The following RBFOX1 variants were observed in gnomAD, a reference collection of about 807,000 sequenced individuals.
RBFOX1 encodes RNA binding fox-1 homolog 1.
RBFOX1 carries 8 observed loss-of-function variants against 57.7 expected under a neutral mutation model. That is an observed-to-expected ratio of 0.14 (90% CI 0.08 to 0.25). The LOEUF is 0.25. Among genes scored for constraint, RBFOX1 ranks in the 10% least tolerant of loss-of-function variants. RBFOX1 has a pLI of 1.00. For missense variants in RBFOX1, 611 were observed against 548.5 expected, an observed-to-expected ratio of 1.11 and a Z score of -1.14; for synonymous variants, 326 against 222.4, an observed-to-expected ratio of 1.47 and a Z score of -4.15.
intron 4 of RBFOX1, among the ~76,000 whole-genome samples, chr16:7,391,352 G>A (rs536504358): frequency 5.1e-4 from 78 of 152,240 alleles, no homozygotes; most frequent in Non-Finnish European, 8.1e-4. Context: ...GAAGTTTCGC[G>A]TCCCAAGATC....
At chr16:7,450,157 A>G (rs181394513) in intron 4 of RBFOX1, among the ~76,000 whole-genome samples, 1 of 152,230 alleles carries the variant, frequency 6.6e-6, no homozygotes, top group Non-Finnish European at 1.5e-5. Context: ...GCACTTCGGG[A>G]GATGGAGGTG....
chr16:7,230,458 A>G (rs796696589), intron 4 of RBFOX1, among the ~76,000 whole-genome samples: 9 of 152,238 alleles, frequency 5.9e-5, no homozygotes, highest in African/African-American at 2.2e-4. Context: ...GATGTAGATC[A>G]GCTTTGTCCT....
intron 14 of RBFOX1, among the ~76,000 whole-genome samples, chr16:7,683,583 A>C (rs987962883): frequency 6.6e-6 from 1 of 151,854 alleles, no homozygotes; most frequent in Non-Finnish European, 1.5e-5. Flanking sequence ...CCACGTGGGT[A>C]GACACTTTTG....
chr16:6,436,462 AAAAC>A (rs1160769137), intron 2 of RBFOX1, among the ~76,000 whole-genome samples: 1 of 151,858 alleles, frequency 6.6e-6, no homozygotes, highest in African/African-American at 2.4e-5. Context: ...CAGTTGTTGT[AAAAC>A]ATGCTGTGAA....
rs893448469 is a variant in RBFOX1, at chr16:7,161,580, C to T, written c.27+109482C>T. On this transcript the variant is annotated intron_variant, in intron 4 of 15. Coordinates refer to ENST00000550418, the MANE Select transcript of RBFOX1 (RefSeq NM_018723.4). Reference sequence around the variant, plus strand: ...GAAGTCCTTTGCTAAGGCTGTGTACCTACTAAGAATCAGATTTAATGTTTG... The same window carrying T: ...GAAGTCCTTTGCTAAGGCTGTGTACTTACTAAGAATCAGATTTAATGTTTG... Among the ~76,000 whole-genome samples the T allele has an allele frequency of 2.0e-5, 3 of 152,116 alleles. No individual in the cohort carries two copies. In the South Asian group the frequency reaches 6.2e-4, roughly 31 times the overall value.
At chr16:5,635,056 A>T (rs567298558) in intron 3 of RBFOX1, among the ~76,000 whole-genome samples, 3 of 152,254 alleles carry the variant, frequency 2.0e-5, no homozygotes, top group East Asian at 3.9e-4. Flanking sequence ...AATAAAAGAG[A>T]TGGAGGGGAA....
At chr16:7,576,451 T>G (rs2093348349) in intron 5 of RBFOX1, among the ~76,000 whole-genome samples, 1 of 152,214 alleles carries the variant, frequency 6.6e-6, no homozygotes, top group South Asian at 2.1e-4. Flanking sequence ...TCTTTTTCCC[T>G]TTCCATACAC....
chr16:7,247,059 T>G (rs569264132), intron 4 of RBFOX1, among the ~76,000 whole-genome samples: 1 of 152,294 alleles, frequency 6.6e-6, no homozygotes, highest in African/African-American at 2.4e-5. Context: ...GTGTCTGTAG[T>G]ACAATGGGGT....
At chr16:5,671,013 C>G (rs1286256912) in intron 3 of RBFOX1, among the ~76,000 whole-genome samples, 1 of 152,220 alleles carries the variant, frequency 6.6e-6, no homozygotes, top group Admixed American at 6.5e-5. Flanking sequence ...TCACTGAAAT[C>G]CCTGGTGAAG....
chr16:7,162,750 C>T (rs956297426), intron 4 of RBFOX1, among the ~76,000 whole-genome samples: 1 of 151,840 alleles, frequency 6.6e-6, no homozygotes, highest in African/African-American at 2.4e-5. Flanking sequence ...ATCCAGATTT[C>T]ATGATTTCTA....
chr16:7,464,609 A>G (rs1427522839), intron 4 of RBFOX1, among the ~76,000 whole-genome samples: 5 of 150,194 alleles, frequency 3.3e-5, no homozygotes, highest in Admixed American at 1.3e-4. Flanking sequence ...CTGTTAAATG[A>G]GGCAATATCT....
chr16:7,662,898 T>A (rs1400862060), intron 12 of RBFOX1, among the ~76,000 whole-genome samples: 1 of 152,246 alleles, frequency 6.6e-6, no homozygotes, highest in Admixed American at 6.5e-5. Context: ...GCAAAGGCAC[T>A]GCACTGTTGA....
In RBFOX1 at chr16:5,546,624, A is replaced by T. The variant is rs181679815; in HGVS notation, c.259-52278A>T. Among the ~76,000 whole-genome samples the T allele has an allele frequency of 4.3e-3, 648 of 152,358 alleles. 3 individuals are homozygous for T. The highest frequency in any genetic ancestry group is 0.014 in the African/African-American group (591 of 41,576). ...AAAATTAACTGAAAATGCATCATAC[A>T]TTCAGATATACAACCTAAATCTGTA... is the stretch of plus-strand genomic sequence containing the variant. On this transcript the variant is annotated intron_variant, in intron 2 of 2. Transcript: ENST00000585867.
chr16:7,234,487 G>T (rs975887466), intron 4 of RBFOX1, among the ~76,000 whole-genome samples: 1 of 151,912 alleles, frequency 6.6e-6, no homozygotes, highest in African/African-American at 2.4e-5. Flanking sequence ...GGGGAACCAG[G>T]CTCAAAGTTT....
At chr16:7,382,027 G>A (rs1000976464) in intron 4 of RBFOX1, among the ~76,000 whole-genome samples, 1 of 152,216 alleles carries the variant, frequency 6.6e-6, no homozygotes, top group African/African-American at 2.4e-5. Context: ...TTGTCTGAAG[G>A]ATGATCTTTT....
chr16:7,175,683 T>C (rs1441641788), intron 4 of RBFOX1, among the ~76,000 whole-genome samples: 4 of 152,212 alleles, frequency 2.6e-5, no homozygotes, highest in Admixed American at 2.0e-4. Flanking sequence ...CGTGTTACCC[T>C]GTCAGTTCAA....
At chr16:6,813,384 G>A (rs1450067270) in intron 3 of RBFOX1, among the ~76,000 whole-genome samples, 1 of 152,052 alleles carries the variant, frequency 6.6e-6, no homozygotes, top group East Asian at 1.9e-4. Flanking sequence ...TTCCCATCTT[G>A]AGAATGCTCG....
chr16:7,160,835 CT>C (rs1439295944), intron 4 of RBFOX1, among the ~76,000 whole-genome samples: 3 of 138,370 alleles, frequency 2.2e-5, no homozygotes, highest in Non-Finnish European at 3.0e-5. Context: ...CTCCCTCCTC[CT>C]TCCTCCTCCT....
At chr16:6,627,665 T>G (rs1013076915) in intron 2 of RBFOX1, among the ~76,000 whole-genome samples, 21 of 152,108 alleles carry the variant, frequency 1.4e-4, no homozygotes, top group South Asian at 4.1e-4. Context: ...AAAGTAACTT[T>G]CCAGAAAAAT....
Sources: gnomAD v4.1 joint callset for allele counts (sites outside exome capture counted in the v4.1 genomes callset) on GRCh38, gnomAD v4.1.1 for gene constraint, MANE v1.5 for transcripts, NCBI Gene and HGNC (gene_info 2026-07-23, HGNC 2026-07-21) for gene names.